DTWD2: variants seen among roughly 807,000 people sequenced by gnomAD.
DTWD2 encodes tRNA-uridine aminocarboxypropyltransferase 2.
DTWD2 carries 39 observed loss-of-function variants against 31.8 expected under a neutral mutation model. That is an observed-to-expected ratio of 1.22 (90% CI 0.95 to 1.60). DTWD2 has a LOEUF of 1.60. Ranked by LOEUF, DTWD2 falls within the 40% of genes most tolerant of loss-of-function variation. The pLI, the probability that DTWD2 is intolerant of heterozygous loss-of-function variation, is 0.00. For synonymous variants in DTWD2, 180 were observed against 142.8 expected (o/e 1.26, Z -1.86); for missense variants, 515 against 381.5 (o/e 1.35, Z -2.92).
chr5:118,873,427 T>C (rs1229969720), intron 4 of DTWD2, among the ~76,000 whole-genome samples: 1 of 152,182 alleles, frequency 6.6e-6, no homozygotes, highest in Non-Finnish European at 1.5e-5. Context: ...CCATACCTTC[T>C]GCACAGACAG....
rs770764246 is a variant in DTWD2 at position 118,988,375 on chromosome 5, TCTGCGCCCAGGGCAGCCGCCGCCGGCA to T, written c.110_136del (p.Val37_Ala45del). The T allele has an allele frequency of 6.3e-7, 1 of 1,579,908 alleles. No homozygotes were observed. The highest frequency in any genetic ancestry group is 1.1e-5 in the South Asian group (1 of 87,316). On this transcript the variant is annotated inframe_deletion, in exon 1 of 6. Coordinates refer to ENST00000510708, the MANE Select transcript of DTWD2 (RefSeq NM_173666.4). Reference sequence around the variant, plus strand: ...CCCGTCCGCACTGTCGTCGTCCGCCTCTGCGCCCAGGGCAGCCGCCGCCGGCACTGCGCCGCCCTCCCGCCGCTCCTT... The same window carrying T: ...CCCGTCCGCACTGTCGTCGTCCGCCTCTGCGCCGCCCTCCCGCCGCTCCTT...
intron 5 of DTWD2, among the ~76,000 whole-genome samples, chr5:118,842,773 A>T (rs1265849309): frequency 1.5e-5 from 1 of 67,620 alleles, no homozygotes; most frequent in Non-Finnish European, 2.7e-5. Flanking sequence ...TTTCTATTAA[A>T]AAAAAAAAAA....
intron 4 of DTWD2, among the ~76,000 whole-genome samples, chr5:118,883,977 T>G (rs1241608535): frequency 1.3e-5 from 2 of 152,224 alleles, no homozygotes; most frequent in African/African-American, 4.8e-5. Context: ...ATAGTGTAGT[T>G]CAAAATTAGA....
intron 4 of DTWD2, among the ~76,000 whole-genome samples, chr5:118,913,392 T>A (rs188174615): frequency 5.0e-4 from 68 of 136,512 alleles, no homozygotes; most frequent in African/African-American, 1.5e-3. Context: ...ATGAACCATA[T>A]ATATATAGAT....
chr5:118,952,930 T>C (rs1045976901), intron 1 of DTWD2, among the ~76,000 whole-genome samples: 2 of 152,176 alleles, frequency 1.3e-5, no homozygotes, highest in Non-Finnish European at 2.9e-5. Flanking sequence ...ATACTTCCAT[T>C]TAAACACTTG....
intron 4 of DTWD2, among the ~76,000 whole-genome samples, chr5:118,921,672 G>A (rs1195789725): frequency 6.6e-6 from 1 of 152,144 alleles, no homozygotes; most frequent in Admixed American, 6.5e-5. Context: ...TTATTTTGCT[G>A]TGGCACTAAT....
At chr5:118,924,795 G>A (rs887474053) in intron 4 of DTWD2, among the ~76,000 whole-genome samples, 2 of 152,252 alleles carry the variant, frequency 1.3e-5, no homozygotes, top group Middle Eastern at 3.4e-3. Flanking sequence ...CTAACAAGAT[G>A]GGTTCAAATT....
At chr5:118,894,674 T>C (rs879257075) in intron 4 of DTWD2, among the ~76,000 whole-genome samples, 8 of 152,204 alleles carry the variant, frequency 5.3e-5, no homozygotes, top group Admixed American at 3.9e-4. Flanking sequence ...CCATTTACCA[T>C]GATCAAGTGG....
chr5:118,973,439 A>AG (rs1561477863), intron 1 of DTWD2, among the ~76,000 whole-genome samples: 1 of 152,106 alleles, frequency 6.6e-6, no homozygotes, highest in Non-Finnish European at 1.5e-5. Flanking sequence ...AGCTCTTGTA[A>AG]GGCAGGCCTG....
chr5:118,952,952 T>A (rs1754499004), intron 1 of DTWD2, among the ~76,000 whole-genome samples: 1 of 152,210 alleles, frequency 6.6e-6, no homozygotes, highest in African/African-American at 2.4e-5. Context: ...CCACATCATA[T>A]GACAAAATTT....
intron 4 of DTWD2, among the ~76,000 whole-genome samples, chr5:118,887,006 G>A (rs564575366): frequency 5.3e-5 from 8 of 152,248 alleles, no homozygotes; most frequent in African/African-American, 1.9e-4. Flanking sequence ...ATTTTACAAT[G>A]TGTTGATCCA....
chr5:118,986,666 A>G (rs551825455), intron 1 of DTWD2, among the ~76,000 whole-genome samples: 2 of 152,316 alleles, frequency 1.3e-5, no homozygotes, highest in South Asian at 4.1e-4. Context: ...AAAGCCATCA[A>G]TTCATTTATA....
At chr5:118,933,306 T>C (rs1353565168) in intron 3 of DTWD2, among the ~76,000 whole-genome samples, 5 of 152,188 alleles carry the variant, frequency 3.3e-5, no homozygotes, top group African/African-American at 1.2e-4. Flanking sequence ...CATTGCCTAA[T>C]TCATTCTATA....
At chr5:118,953,473 C>A (rs957406959) in intron 1 of DTWD2, among the ~76,000 whole-genome samples, 1 of 152,142 alleles carries the variant, frequency 6.6e-6, no homozygotes, top group African/African-American at 2.4e-5. Flanking sequence ...CCTTAACTAA[C>A]GAGCTCTGTT....
chr5:118,968,779 A>G (rs1216119809), intron 1 of DTWD2, among the ~76,000 whole-genome samples: 1 of 152,182 alleles, frequency 6.6e-6, no homozygotes, highest in South Asian at 2.1e-4. Flanking sequence ...AAATCCATCC[A>G]TGCCTTCCCC....
chr5:118,911,995 A>G (rs1753468350), intron 4 of DTWD2, among the ~76,000 whole-genome samples: 1 of 152,218 alleles, frequency 6.6e-6, no homozygotes, highest in African/African-American at 2.4e-5. Flanking sequence ...ATCTATGAGA[A>G]AGAGGCATAT....
chr5:118,979,849 G>A (rs1755258228), intron 1 of DTWD2, among the ~76,000 whole-genome samples: 2 of 152,240 alleles, frequency 1.3e-5, no homozygotes, highest in Non-Finnish European at 2.9e-5. Flanking sequence ...GGCCTGTCAG[G>A]AGGGCAGGGG....
At chr5:118,982,030 TC>T (rs1208387034) in intron 1 of DTWD2, among the ~76,000 whole-genome samples, 1 of 152,196 alleles carries the variant, frequency 6.6e-6, no homozygotes, top group East Asian at 1.9e-4. Flanking sequence ...TTATTAGTCA[TC>T]TGACCTAAAG....
intron 4 of DTWD2, among the ~76,000 whole-genome samples, chr5:118,928,276 T>C (rs967727268): frequency 6.6e-6 from 1 of 152,028 alleles, no homozygotes; most frequent in African/African-American, 2.4e-5. Context: ...ACTCTTAATA[T>C]AGCCAAATGC....
Sources: gnomAD v4.1 joint callset for allele counts (sites outside exome capture counted in the v4.1 genomes callset) on GRCh38, gnomAD v4.1.1 for gene constraint, MANE v1.5 for transcripts, NCBI Gene and HGNC (gene_info 2026-07-23, HGNC 2026-07-21) for gene names.